Variants in ZNF385B observed in about 807,000 individuals in gnomAD.
ZNF385B encodes the protein zinc finger protein 533.
A neutral mutation model predicts 39.2 loss-of-function variants in ZNF385B; 23 were observed. That is an observed-to-expected ratio of 0.59 (90% confidence interval 0.42 to 0.83). The LOEUF (loss-of-function observed/expected upper bound fraction) is 0.83, where lower values mean the gene tolerates loss of function less well. Among genes scored for constraint, ZNF385B ranks in the 40% least tolerant of loss-of-function variants. The probability of loss-of-function intolerance (pLI) is 0.00; values close to 1 mark genes in which losing one functional copy is unlikely to be tolerated. For missense variants in ZNF385B, 552 were observed against 598.9 expected, an observed-to-expected ratio of 0.92 and a Z score of 0.82; for synonymous variants, 205 against 222.6, an observed-to-expected ratio of 0.92 and a Z score of 0.70.
intron 6 of ZNF385B, among the ~76,000 whole-genome samples, chr2:179,466,118 G>C (rs912540220): frequency 1.3e-5 from 2 of 152,106 alleles, no homozygotes; most frequent in African/African-American, 4.8e-5. Flanking sequence ...TATCATTGTT[G>C]TCAAGTCTAT....
At chr2:179,643,910 AGAT>A (rs1206473538) in intron 3 of ZNF385B, among the ~76,000 whole-genome samples, 3 of 152,168 alleles carry the variant, frequency 2.0e-5, no homozygotes, top group African/African-American at 4.8e-5. Context: ...GTTAGCTCAC[AGAT>A]GATACTTCAA....
At chr2:179,571,684 A>G (rs1175317338) in intron 3 of ZNF385B, among the ~76,000 whole-genome samples, 1 of 152,182 alleles carries the variant, frequency 6.6e-6, no homozygotes, top group Non-Finnish European at 1.5e-5. Context: ...ATATTTTCAC[A>G]TGGCGTTTCT....
At chr2:179,476,987 G>A (rs1358581914) in intron 6 of ZNF385B, among the ~76,000 whole-genome samples, 1 of 152,168 alleles carries the variant, frequency 6.6e-6, no homozygotes, top group Non-Finnish European at 1.5e-5. Context: ...ATAAATGACA[G>A]ATGCTGCCAA....
intron 3 of ZNF385B, among the ~76,000 whole-genome samples, chr2:179,697,102 C>T (rs1042870228): frequency 6.6e-6 from 1 of 152,088 alleles, no homozygotes; most frequent in Non-Finnish European, 1.5e-5. Context: ...TGTCCCCACC[C>T]CTTGAAGTCT....
Position 179,703,956 on chromosome 2 carries a change from T to C in ZNF385B, c.298+65547A>G, listed in dbSNP as rs148498151. Among the ~76,000 whole-genome samples, 679 of 152,340 alleles carry C rather than the reference T, an allele frequency of 4.5e-3. 3 individuals are homozygous for C. Among genetic ancestry groups the C allele is most frequent in the South Asian group, 0.018 (87 of 4,826 alleles). ...GCTAGAAACAGACCAAGTCAGATGA[T>C]AAATGACCTTTTCTGTCATGCTAAG... On this transcript the variant is annotated intron_variant, in intron 3 of 9. Coordinates refer to ENST00000410066, the MANE Select transcript of ZNF385B (RefSeq NM_152520.6).
At chr2:179,625,715 C>T (rs1230087371) in intron 3 of ZNF385B, among the ~76,000 whole-genome samples, 1 of 151,936 alleles carries the variant, frequency 6.6e-6, no homozygotes, top group Non-Finnish European at 1.5e-5. Context: ...AGGGCTGGTA[C>T]AAGGAAAACG....
At chr2:179,664,498 G>A (rs1467175985) in intron 3 of ZNF385B, among the ~76,000 whole-genome samples, 1 of 152,020 alleles carries the variant, frequency 6.6e-6, no homozygotes, top group African/African-American at 2.4e-5. Flanking sequence ...AACATTGAGG[G>A]AGTTACATGA....
At chr2:179,777,634 G>C (rs1387834588) in intron 1 of ZNF385B, among the ~76,000 whole-genome samples, 2 of 151,886 alleles carry the variant, frequency 1.3e-5, no homozygotes, top group Admixed American at 1.3e-4. Context: ...ATCTATTTGA[G>C]AATTATTCTC....
chr2:179,460,132 A>T (rs2056203), intron 6 of ZNF385B, among the ~76,000 whole-genome samples: 44,281 of 151,924 alleles, frequency 0.29, 6,674 homozygotes, highest in East Asian at 0.45. Flanking sequence ...AAGAAAAAAA[A>T]ATATATAATG....
At chr2:179,687,401 A>G (rs192472972) in intron 3 of ZNF385B, among the ~76,000 whole-genome samples, 1 of 152,182 alleles carries the variant, frequency 6.6e-6, no homozygotes, top group African/African-American at 2.4e-5. Context: ...CTTCATTCAC[A>G]TTATAAACTC....
chr2:179,467,549 G>A (rs892928869), intron 6 of ZNF385B, among the ~76,000 whole-genome samples: 4 of 152,086 alleles, frequency 2.6e-5, no homozygotes, highest in South Asian at 2.1e-4. Context: ...GAAATTCTCC[G>A]AGCATTATAA....
chr2:179,682,445 T>C (rs1697590823), intron 3 of ZNF385B, among the ~76,000 whole-genome samples: 1 of 152,242 alleles, frequency 6.6e-6, no homozygotes, highest in Non-Finnish European at 1.5e-5. Flanking sequence ...TATGCCTTCT[T>C]TCTGTTCCTT....
intron 3 of ZNF385B, among the ~76,000 whole-genome samples, chr2:179,659,185 T>C (rs1193390898): frequency 3.3e-5 from 5 of 152,246 alleles, no homozygotes; most frequent in Non-Finnish European, 7.3e-5. Context: ...AAATATATTT[T>C]CACCTAAATT....
intron 3 of ZNF385B, among the ~76,000 whole-genome samples, chr2:179,759,416 C>G (rs1703233920): frequency 1.3e-5 from 2 of 152,156 alleles, no homozygotes; most frequent in South Asian, 4.1e-4. Flanking sequence ...TTATCTATGT[C>G]TTTGCAGCTG....
At chr2:179,593,729 T>C (rs1574930776) in intron 3 of ZNF385B, among the ~76,000 whole-genome samples, 2 of 152,226 alleles carry the variant, frequency 1.3e-5, no homozygotes, top group African/African-American at 4.8e-5. Context: ...CGCTTATCTA[T>C]ACCATCCTTT....
At chr2:179,600,759 A>G (rs984464081) in intron 3 of ZNF385B, among the ~76,000 whole-genome samples, 2 of 152,190 alleles carry the variant, frequency 1.3e-5, no homozygotes, top group African/African-American at 4.8e-5. Context: ...TAACTACTTC[A>G]TTGTGAGCTC....
chr2:179,843,069 C>T (rs1708622929), intron 1 of ZNF385B, among the ~76,000 whole-genome samples: 1 of 152,144 alleles, frequency 6.6e-6, no homozygotes. Flanking sequence ...TATCCATTAA[C>T]CTTAGAAAAT....
chr2:179,800,747 A>G (rs1705977348), intron 1 of ZNF385B, among the ~76,000 whole-genome samples: 1 of 152,086 alleles, frequency 6.6e-6, no homozygotes, highest in Non-Finnish European at 1.5e-5. Flanking sequence ...GAGCCTCCAC[A>G]TATCCATCAC....
chr2:179,770,584 A>G lies in ZNF385B; in HGVS notation c.-66T>C, dbSNP rs1294280908. Reference sequence around the variant, plus strand: ...GACAGGAATTTGGACATATTTTCTTATTCTTGTAGTGAAACAAACTGTTTT... The same window carrying G: ...GACAGGAATTTGGACATATTTTCTTGTTCTTGTAGTGAAACAAACTGTTTT... On this transcript the variant is annotated 5_prime_UTR_variant, in exon 2 of 10. Transcript: ENST00000410066. 3.3e-5 allele frequency: 5 copies of G among 152,182 alleles called. No individual in the cohort carries two copies. The highest frequency in any genetic ancestry group is 4.4e-5 in the Non-Finnish European group (3 of 68,024). The allele number at this position is 152,182 out of a possible 1,614,324, so 9.4% of individuals were successfully genotyped here.
Sources: gnomAD v4.1 joint callset for allele counts (sites outside exome capture counted in the v4.1 genomes callset) on GRCh38, gnomAD v4.1.1 for gene constraint, MANE v1.5 for transcripts, NCBI Gene and HGNC (gene_info 2026-07-23, HGNC 2026-07-21) for gene names.